The following TCF7L2 variants were observed in gnomAD, a reference collection of about 807,000 sequenced individuals.
TCF7L2 encodes transcription factor 7 like 2, also known as transcription factor 7-like 2.
TCF7L2 carries 23 observed loss-of-function variants against 77.9 expected under a neutral mutation model. That is an observed-to-expected ratio of 0.30 (90% CI 0.21 to 0.42). The LOEUF (loss-of-function observed/expected upper bound fraction) is 0.42, where lower values mean the gene tolerates loss of function less well. Ranked by LOEUF, TCF7L2 falls within the 10% of genes least tolerant of loss-of-function variation. The pLI, the probability that TCF7L2 is intolerant of heterozygous loss-of-function variation, is 1.00. For synonymous variants in TCF7L2, 413 were observed against 340.2 expected (o/e 1.21, Z -2.36); for missense variants, 654 against 793.1 (o/e 0.82, Z 2.11).
chr10:113,103,802 T>A (rs2061946774), intron 5 of TCF7L2, among the ~76,000 whole-genome samples: 1 of 152,158 alleles, frequency 6.6e-6, no homozygotes. Context: ...CTCCCCATGA[T>A]GGTGGGCTAC....
chr10:112,987,684 C>G (rs559428925), intron 4 of TCF7L2: 4 of 151,914 alleles, frequency 2.6e-5, no homozygotes, highest in East Asian at 2.0e-4. Flanking sequence ...GGCAGGTTAT[C>G]AAGTGTGAAG....
chr10:112,970,890 G>A (rs984869455), intron 4 of TCF7L2, among the ~76,000 whole-genome samples: 1 of 152,172 alleles, frequency 6.6e-6, no homozygotes, highest in Admixed American at 6.5e-5. Context: ...AGCTGTAGCA[G>A]ACTTAGGCTG....
At chr10:113,035,904 G>A (rs1021235820) in intron 4 of TCF7L2, among the ~76,000 whole-genome samples, 6 of 152,152 alleles carry the variant, frequency 3.9e-5, no homozygotes, top group African/African-American at 1.2e-4. Flanking sequence ...TGTGTGGGCC[G>A]CAAAGCCTAA....
chr10:113,115,320 ATAAT>A (rs1221683699), intron 5 of TCF7L2, among the ~76,000 whole-genome samples: 4 of 152,382 alleles, frequency 2.6e-5, no homozygotes, highest in African/African-American at 9.6e-5. Flanking sequence ...AGCAGACTTG[ATAAT>A]TAAAGAATTT....
chr10:113,042,914 C>G (rs573414131), intron 5 of TCF7L2, among the ~76,000 whole-genome samples: 1 of 152,104 alleles, frequency 6.6e-6, no homozygotes, highest in Admixed American at 6.5e-5. Flanking sequence ...GGGTCTGGTT[C>G]GTGTTTAGAG....
intron 5 of TCF7L2, among the ~76,000 whole-genome samples, chr10:113,107,615 T>C (rs985206067): frequency 1.3e-5 from 2 of 150,888 alleles, no homozygotes; most frequent in Non-Finnish European, 3.0e-5. Context: ...TGGTGGCGAG[T>C]ACCTGTAGTC....
intron 5 of TCF7L2, among the ~76,000 whole-genome samples, chr10:113,049,815 C>G (rs1478733412): frequency 6.6e-6 from 1 of 152,136 alleles, no homozygotes; most frequent in Non-Finnish European, 1.5e-5. Flanking sequence ...AATGGAGAGC[C>G]TAGATGCCAC....
At chr10:113,033,285 G>A (rs986435735) in intron 4 of TCF7L2, among the ~76,000 whole-genome samples, 2 of 149,194 alleles carry the variant, frequency 1.3e-5, no homozygotes, top group African/African-American at 5.0e-5. Context: ...TTGAGACCAG[G>A]TCTTGCTCTG....
At position 112,952,222 on chromosome 10, in the gene TCF7L2, C is replaced by T. The variant is rs1395834674; in HGVS notation, c.381+615C>T. On this transcript the variant is annotated intron_variant, in intron 3 of 13. Transcript: ENST00000627217. Reference sequence around the variant, plus strand: ...AGGCTCCTTGGCTTTCTCTTTTGGGCGACTATGTATTTAGCTTTCTAGTGG... The same window carrying T: ...AGGCTCCTTGGCTTTCTCTTTTGGGTGACTATGTATTTAGCTTTCTAGTGG... 3.9e-5 allele frequency among the ~76,000 whole-genome samples: 6 copies of T among 152,284 alleles called. No individual in the cohort carries two copies. The East Asian group carries it at 1.2e-3, about 30-fold the overall frequency.
intron 13 of TCF7L2, 141 bp from the exon 15 acceptor site, chr10:113,165,414 G>C: frequency 1.1e-6 from 1 of 924,014 alleles, no homozygotes; most frequent in Non-Finnish European, 1.7e-6. Context: ...GGGCGCCACT[G>C]TAATTGTCCT....
chr10:113,038,134 G>A (rs7076754), intron 4 of TCF7L2, among the ~76,000 whole-genome samples: 36,896 of 151,962 alleles, frequency 0.24, 6,131 homozygotes, highest in African/African-American at 0.47. Flanking sequence ...GATAACCAAG[G>A]GGGTTCCTGT....
At chr10:113,037,755 C>T (rs2051599336) in intron 4 of TCF7L2, among the ~76,000 whole-genome samples, 1 of 152,098 alleles carries the variant, frequency 6.6e-6, no homozygotes, top group Admixed American at 6.5e-5. Flanking sequence ...TTGCAGGTGG[C>T]CAAAGATGAA....
At chr10:113,128,257 A>C (rs572147119) in intron 5 of TCF7L2, among the ~76,000 whole-genome samples, 115 of 152,322 alleles carry the variant, frequency 7.5e-4, no homozygotes, top group South Asian at 1.9e-3. Flanking sequence ...AAGTCCAGAA[A>C]GAGAGGCCAC....
chr10:113,007,869 GCC>G (rs2045835756), intron 4 of TCF7L2, among the ~76,000 whole-genome samples: 1 of 152,186 alleles, frequency 6.6e-6, no homozygotes, highest in African/African-American at 2.4e-5. Flanking sequence ...CTATCTGCCT[GCC>G]TTTTGGCGTG....
chr10:113,160,770 A>T, intron 13 of TCF7L2: 1 of 1,345,530 alleles, frequency 7.4e-7, no homozygotes, highest in Non-Finnish European at 1.0e-6. Context: ...ATTTATTTTG[A>T]CCTCGTTCCC....
At chr10:113,111,511 A>G (rs184856172) in intron 5 of TCF7L2, among the ~76,000 whole-genome samples, 2 of 152,244 alleles carry the variant, frequency 1.3e-5, no homozygotes, top group East Asian at 3.9e-4. Flanking sequence ...TTACTAACCA[A>G]CTGGGTGCGG....
intron 4 of TCF7L2, among the ~76,000 whole-genome samples, chr10:112,989,576 G>C (rs1005318586): frequency 6.6e-6 from 1 of 152,118 alleles, no homozygotes; most frequent in Non-Finnish European, 1.5e-5. Flanking sequence ...TCATCTTCAG[G>C]CTGGGATGTA....
chr10:113,065,288 C>T (rs1170594525), intron 5 of TCF7L2, among the ~76,000 whole-genome samples: 1 of 152,224 alleles, frequency 6.6e-6, no homozygotes, highest in Non-Finnish European at 1.5e-5. Context: ...TGAAATGTCA[C>T]ATCCAGACAG....
intron 2 of TCF7L2, 86 bp downstream of exon 2, chr10:112,951,359 G>T (rs1305631882): frequency 2.0e-6 from 2 of 984,280 alleles, no homozygotes; most frequent in East Asian, 1.2e-4. Flanking sequence ...CGCCCGGCTC[G>T]GCCTGGCCCT....
Sources: allele counts gnomAD v4.1 joint callset (sites outside exome capture counted in the v4.1 genomes callset), GRCh38; gene constraint gnomAD v4.1.1; transcripts MANE v1.5; gene names NCBI Gene and HGNC (gene_info 2026-07-23, HGNC 2026-07-21).